The following SYBU variants were observed in gnomAD, a reference collection of about 807,000 sequenced individuals.
SYBU encodes syntabulin, also known as GOLSYN A protein.
Under a neutral mutation model 35.9 loss-of-function variants are expected in SYBU, and 21 were observed. The observed-to-expected ratio is 0.58, with a 90% CI of 0.41 to 0.84. The LOEUF is 0.84. Ranked by LOEUF, SYBU falls within the 40% of genes least tolerant of loss-of-function variation. The probability of loss-of-function intolerance (pLI) is 0.00; values close to 1 mark genes in which losing one functional copy is unlikely to be tolerated. For missense variants in SYBU, 768 were observed against 848.2 expected, an observed-to-expected ratio of 0.91 and a Z score of 1.17; for synonymous variants, 319 against 324.3, an observed-to-expected ratio of 0.98 and a Z score of 0.18.
chr8:109,663,521 G>C (rs1409705853), intron 1 of SYBU, among the ~76,000 whole-genome samples: 1 of 152,068 alleles, frequency 6.6e-6, no homozygotes, highest in Non-Finnish European at 1.5e-5. Context: ...TTGGAAACTG[G>C]TCGGTAAGTG....
At chr8:109,629,659 C>A (rs1813376590) in intron 2 of SYBU, among the ~76,000 whole-genome samples, 1 of 151,982 alleles carries the variant, frequency 6.6e-6, no homozygotes, top group Non-Finnish European at 1.5e-5. Flanking sequence ...GGTATATACC[C>A]AGTAATGGGA....
intron 6 of SYBU, among the ~76,000 whole-genome samples, chr8:109,576,803 C>T (rs1822375901): frequency 1.3e-5 from 2 of 152,138 alleles, no homozygotes; most frequent in African/African-American, 4.8e-5. Context: ...TCAGTCCTTA[C>T]ATTCTCAGTG....
Position 109,574,872 on chromosome 8 carries a change from G to C in SYBU, c.*34C>G, listed in dbSNP as rs1244893082. The stretch of plus-strand genomic sequence containing the variant: ...TTCTCTACCTGGCACAACCCACATG[G>C]GACACATTGGCACACGGTAACAACA... On this transcript the variant is annotated 3_prime_UTR_variant, in exon 7 of 7. Transcript: ENST00000276646. 2.0e-6 allele frequency: 3 copies of C among 1,508,342 alleles called. No homozygotes were observed. The highest frequency in any genetic ancestry group is 1.4e-5 in the South Asian group (1 of 72,766). 93.4% of individuals were successfully genotyped at this position (1,508,342 alleles called of 1,614,324 possible). A position where few individuals can be genotyped will look rare whatever the true frequency, so the allele number is the denominator to read the frequency against.
upstream of SYBU, among the ~76,000 whole-genome samples, chr8:109,649,679 T>C (rs1461164989): frequency 6.6e-6 from 1 of 152,184 alleles, no homozygotes; most frequent in Non-Finnish European, 1.5e-5. Context: ...AAATGGCTTT[T>C]TGTTTGTGGC....
chr8:109,606,462 TAA>T, intron 3 of SYBU, among the ~76,000 whole-genome samples: 1 of 152,162 alleles, frequency 6.6e-6, no homozygotes, highest in African/African-American at 2.4e-5. Context: ...AGGTTAAAAA[TAA>T]ATCCCATACT....
intron 1 of SYBU, among the ~76,000 whole-genome samples, chr8:109,664,392 AG>A (rs1816684191): frequency 6.6e-6 from 1 of 152,208 alleles, no homozygotes. Context: ...AAAAACAACA[AG>A]AAAAGACTAA....
chr8:109,670,102 A>G (rs998163539), intron 1 of SYBU, among the ~76,000 whole-genome samples: 2 of 151,774 alleles, frequency 1.3e-5, no homozygotes, highest in Non-Finnish European at 2.9e-5. Context: ...TATGAGCAGA[A>G]CTCTAATAAA....
At position 109,652,276 on chromosome 8, in the gene SYBU, A is replaced by G. The variant is rs140063738; in HGVS notation, c.-129+28435T>C. Among the ~76,000 whole-genome samples the G allele has an allele frequency of 8.9e-4, 136 of 152,284 alleles. No individual in the cohort carries two copies. The East Asian group carries it at 0.023, about 26-fold the overall frequency. The stretch of plus-strand genomic sequence containing the variant: ...AATTTTGAAGCATTGAATACATCCT[A>G]TTATAATCTGGTTTCTTCAGAGTTC... On this transcript the variant is annotated intron_variant, in intron 1 of 5. Coordinates refer to the SYBU transcript ENST00000408889.
intron 2 of SYBU, among the ~76,000 whole-genome samples, chr8:109,642,022 C>CT (rs1814937629): frequency 1.3e-5 from 2 of 152,306 alleles, no homozygotes. Flanking sequence ...TATTGCAGCA[C>CT]TGTTCACAAT....
At chr8:109,643,135 C>T (rs1815118193) in intron 1 of SYBU, 3 of 1,298,830 alleles carry the variant, frequency 2.3e-6, no homozygotes, top group African/African-American at 1.6e-5. Flanking sequence ...CTGAATAGCA[C>T]ATGTCTGTGT....
At position 109,574,030 on chromosome 8, in the gene SYBU, G is replaced by C. The variant is rs1253345142; in HGVS notation, c.*876C>G. ...TCAGAAATGATGCTTTTTAAGTAAG[G>C]GTAGGAAATCTTCATTTTCTTTAAT... On this transcript the variant is annotated 3_prime_UTR_variant, in exon 7 of 7. Transcript: ENST00000276646. 1.3e-5 allele frequency: 2 copies of C among 152,076 alleles called. No individual in the cohort carries two copies. Among genetic ancestry groups the C allele is most frequent in the African/African-American group, 4.8e-5 (2 of 41,390 alleles). 9.4% of individuals were successfully genotyped at this position (152,076 alleles called of 1,614,324 possible).
At chr8:109,661,453 C>T (rs1049681048) in intron 1 of SYBU, among the ~76,000 whole-genome samples, 1 of 152,194 alleles carries the variant, frequency 6.6e-6, no homozygotes, top group Non-Finnish European at 1.5e-5. Flanking sequence ...ATCCCTTATG[C>T]AGGCTTAGAC....
intron 3 of SYBU, among the ~76,000 whole-genome samples, chr8:109,605,338 GC>G (rs1427073952): frequency 1.3e-5 from 2 of 152,234 alleles, no homozygotes; most frequent in Admixed American, 6.5e-5. Context: ...TTCTAGCTAG[GC>G]CATCTGAGTG....
intron 1 of SYBU, among the ~76,000 whole-genome samples, chr8:109,653,195 T>TA (rs934944652): frequency 6.6e-6 from 1 of 152,104 alleles, no homozygotes; most frequent in Non-Finnish European, 1.5e-5. Context: ...TTTTATTTTT[T>TA]AAAAAAATAC....
intron 2 of SYBU, among the ~76,000 whole-genome samples, chr8:109,623,513 A>T (rs1812664979): frequency 6.6e-6 from 1 of 152,210 alleles, no homozygotes; most frequent in African/African-American, 2.4e-5. Flanking sequence ...CCAGATTGTC[A>T]TCAAGAAAAT....
Position 109,575,186 on chromosome 8 carries a change from T to C in SYBU, c.1712A>G (p.Asn571Ser), listed in dbSNP as rs1484933200. Reference sequence around the variant, plus strand: ...AAAATCCAGCTCTCTCATGAGGCGGTTTGCATGAACTTCTGCATCCACATT... The same window carrying C: ...AAAATCCAGCTCTCTCATGAGGCGGCTTGCATGAACTTCTGCATCCACATT... ...YANVDAEVHA[N>S]RLMRELDFAA... The change falls in exon 7 of 7, where the codon AAC becomes AGC. Residue 571 changes from asparagine to serine, a missense_variant. Transcript: ENST00000276646. 6.2e-7 allele frequency: 1 copy of C among 1,614,104 alleles called. No individual in the cohort carries two copies. Among genetic ancestry groups the C allele is most frequent in the South Asian group, 1.1e-5 (1 of 91,072 alleles).
In SYBU at chr8:109,575,245, G is replaced by A. The variant is rs367682345; in HGVS notation, c.1653C>T (p.Ala551=). ...GGGTCTCCACGGGAGACAAAAGGAT[G>A]GCTGAGTTTGGATTTCTTGGAGTTA... ...VDLTPRNPNS[A]ILLSPVETPY... is the part of the protein sequence containing the mutation. Residue 551 remains alanine (A), a synonymous_variant, in exon 7 of 7, where the codon GCC becomes GCT. Transcript: ENST00000276646. 4.3e-6 allele frequency: 7 copies of A among 1,614,084 alleles called. No homozygotes were observed. The African/African-American group carries it at 5.3e-5, about 12-fold the overall frequency.
intron 3 of SYBU, among the ~76,000 whole-genome samples, chr8:109,589,415 T>C (rs1490544840): frequency 6.6e-6 from 1 of 152,194 alleles, no homozygotes; most frequent in Non-Finnish European, 1.5e-5. Context: ...AATATTGTTT[T>C]CGATCAGCTG....
At chr8:109,583,804 TTTTA>T (rs1031287169) in intron 4 of SYBU, among the ~76,000 whole-genome samples, 4 of 152,110 alleles carry the variant, frequency 2.6e-5, no homozygotes, top group African/African-American at 4.8e-5. Context: ...GGTGAGATTC[TTTTA>T]TTTATTTATT....
Sources: allele counts gnomAD v4.1 joint callset (sites outside exome capture counted in the v4.1 genomes callset), GRCh38; gene constraint gnomAD v4.1.1; transcripts MANE v1.5; gene names NCBI Gene and HGNC (gene_info 2026-07-23, HGNC 2026-07-21).